The following THEM6 variants were observed in gnomAD, a reference collection of about 807,000 sequenced individuals.
THEM6 encodes thioesterase superfamily member 6.
A neutral mutation model predicts 13.7 loss-of-function variants in THEM6; 10 were observed. That is an observed-to-expected ratio of 0.73 (90% CI 0.45 to 1.24). The LOEUF (loss-of-function observed/expected upper bound fraction) is 1.24. Ranked by LOEUF, THEM6 falls within the 50% of genes most tolerant of loss-of-function variation. The probability of loss-of-function intolerance (pLI) is 0.00; values close to 1 mark genes in which losing one functional copy is unlikely to be tolerated. For synonymous variants in THEM6, 161 were observed against 156.0 expected (o/e 1.03, Z -0.24); for missense variants, 317 against 312.6 (o/e 1.01, Z -0.11).
chr8:142,727,295 A>G lies in THEM6; in HGVS notation c.-52A>G. The G allele has an allele frequency of 7.0e-7, 1 of 1,418,946 alleles. No homozygotes were observed. The highest frequency in any genetic ancestry group is 9.1e-7 in the Non-Finnish European group (1 of 1,094,930). The allele number at this position is 1,418,946 out of a possible 1,614,324, so 87.9% of individuals were successfully genotyped here. A position where few individuals can be genotyped will look rare whatever the true frequency, so the allele number is the denominator to read the frequency against. ...GGGCACCGTAACCAGCGCCGCGGAC[A>G]CCGGCACCGGCGCCACGGACTCCGC... is the stretch of plus-strand genomic sequence containing the variant. On this transcript the variant is annotated 5_prime_UTR_variant, in exon 1 of 2. Coordinates refer to ENST00000336138, the MANE Select transcript of THEM6 (RefSeq NM_016647.3).
At chr8:142,734,347 G>A (rs1470069279) in intron 1 of THEM6, among the ~76,000 whole-genome samples, 4 of 152,258 alleles carry the variant, frequency 2.6e-5, no homozygotes, top group African/African-American at 4.8e-5. Context: ...CACGGAGGCC[G>A]AGGAGATGGG....
intron 1 of THEM6, among the ~76,000 whole-genome samples, chr8:142,731,976 T>C: frequency 6.6e-6 from 1 of 151,416 alleles, no homozygotes; most frequent in East Asian, 2.0e-4. Context: ...TTGCTGTTTT[T>C]GCTTTCTTTT....
At position 142,727,664 on chromosome 8, in the gene THEM6, C is replaced by G. The variant is rs1554642494; in HGVS notation, c.318C>G (p.Arg106=). Residue 106 remains arginine, a synonymous_variant, in exon 1 of 2, where the codon CGC becomes CGG. Transcript: ENST00000336138. The part of the protein sequence containing the change: ...AHTVLAASCA[R]HRRSLRLLEP... Reference sequence around the variant, plus strand: ...CGGTGCTGGCGGCCTCGTGCGCGCGCCACCGCCGCTCGCTGCGCCTGCTGG... The same window carrying G: ...CGGTGCTGGCGGCCTCGTGCGCGCGGCACCGCCGCTCGCTGCGCCTGCTGG... The G allele has an allele frequency of 1.4e-6, 2 of 1,436,792 alleles. No individual in the cohort carries two copies. The highest frequency in any genetic ancestry group is 1.8e-6 in the Non-Finnish European group (2 of 1,106,816). 89.0% of individuals were successfully genotyped at this position (1,436,792 alleles called of 1,614,324 possible).
At chr8:142,729,450 C>T (rs781853840) in intron 1 of THEM6, among the ~76,000 whole-genome samples, 1 of 152,186 alleles carries the variant, frequency 6.6e-6, no homozygotes, top group African/African-American at 2.4e-5. Context: ...TAATCCATTT[C>T]AGCCAGGGAT....
At chr8:142,731,248 A>G (rs1393984945) in intron 1 of THEM6, among the ~76,000 whole-genome samples, 1 of 152,222 alleles carries the variant, frequency 6.6e-6, no homozygotes, top group African/African-American at 2.4e-5. Context: ...ATGTTTACAC[A>G]CAGAATTTCC....
chr8:142,727,892 G>A (rs782402619), intron 1 of THEM6, 33 bp downstream of exon 1: 92 of 1,378,766 alleles, frequency 6.7e-5, no homozygotes, highest in Admixed American at 1.1e-4. Context: ...CCCGGAGCAC[G>A]GCCTTTGTGG....
In THEM6 at chr8:142,735,470, C is replaced by T. The variant is rs587680092; in HGVS notation, c.*31C>T. The T allele has an allele frequency of 3.5e-5, 51 of 1,474,126 alleles. No homozygotes were observed. The South Asian group carries it at 5.4e-4, about 16-fold the overall frequency. The allele number at this position is 1,474,126 out of a possible 1,614,324, so 91.3% of individuals were successfully genotyped here. A position where few individuals can be genotyped will look rare whatever the true frequency, so the allele number is the denominator to read the frequency against. On this transcript the variant is annotated 3_prime_UTR_variant, in exon 2 of 2. Transcript: ENST00000336138. ...ACCTTCACACCGTCTGCCCTGGCCA[C>T]CATCCTGGGCCTGGGGGCTGCCCAC...
At chr8:142,733,459 C>T (rs1661885929) in intron 1 of THEM6, among the ~76,000 whole-genome samples, 1 of 152,188 alleles carries the variant, frequency 6.6e-6, no homozygotes, top group African/African-American at 2.4e-5. Context: ...GAAGAGGAAC[C>T]TCTACTTTAC....
intron 1 of THEM6, among the ~76,000 whole-genome samples, chr8:142,732,336 G>T (rs1201860104): frequency 3.3e-5 from 5 of 150,282 alleles, no homozygotes; most frequent in African/African-American, 9.8e-5. Flanking sequence ...CCCCCCAAAG[G>T]TCCCTTGCAT....
Position 142,727,491 on chromosome 8 carries a change from C to T in THEM6, c.145C>T (p.Arg49Cys). The change falls in exon 1 of 2, where the codon CGC becomes TGC. Residue 49 changes from arginine (R) to cysteine (C), a missense_variant. By Grantham distance (180) the Arg-to-Cys change is radical. Transcript: ENST00000336138. ...PRVRDLLAEQ[R>C]FPGRVLPSDL... is the part of the protein sequence containing the mutation. ...CGTCCGTGACCTGCTAGCTGAGCAG[C>T]GCTTCCCGGGCCGCGTGCTGCCCTC... The T allele has an allele frequency of 6.3e-7, 1 of 1,577,128 alleles. No homozygotes were observed. The highest frequency in any genetic ancestry group is 8.5e-7 in the Non-Finnish European group (1 of 1,169,846).
chr8:142,728,418 C>T (rs911299086), intron 1 of THEM6, among the ~76,000 whole-genome samples: 5 of 152,240 alleles, frequency 3.3e-5, no homozygotes, highest in Non-Finnish European at 5.9e-5. Flanking sequence ...TCCCAGGGCT[C>T]GCTCCTCCCA....
At chr8:142,734,108 A>G (rs1212775309) in intron 1 of THEM6, among the ~76,000 whole-genome samples, 2 of 152,172 alleles carry the variant, frequency 1.3e-5, no homozygotes, top group East Asian at 3.9e-4. Context: ...CCTGTCCCAC[A>G]CCCTCTTCTA....
intron 1 of THEM6, among the ~76,000 whole-genome samples, chr8:142,732,372 G>A (rs1449668989): frequency 6.6e-6 from 1 of 150,408 alleles, no homozygotes; most frequent in African/African-American, 2.4e-5. Context: ...TGTCCTCTCT[G>A]GTCGCCCCCC....
At chr8:142,730,058 T>C (rs1815608386) in intron 1 of THEM6, among the ~76,000 whole-genome samples, 1 of 152,090 alleles carries the variant, frequency 6.6e-6, no homozygotes, top group Admixed American at 6.5e-5. Flanking sequence ...TGGTCTGAGG[T>C]GAGTTAGTTA....
intron 1 of THEM6, among the ~76,000 whole-genome samples, chr8:142,733,502 T>C (rs1815696905): frequency 6.6e-6 from 1 of 152,190 alleles, no homozygotes; most frequent in Admixed American, 6.5e-5. Context: ...AATGCCTCTT[T>C]CTGGGGATGC....
chr8:142,733,347 C>G (rs747200353), intron 1 of THEM6, among the ~76,000 whole-genome samples: 1 of 152,254 alleles, frequency 6.6e-6, no homozygotes, highest in Non-Finnish European at 1.5e-5. Flanking sequence ...TTCTTTATTA[C>G]TGCTAGCAGA....
intron 1 of THEM6, chr8:142,735,009 C>A: frequency 3.1e-6 from 1 of 320,896 alleles, no homozygotes; most frequent in Non-Finnish European, 5.9e-6. Context: ...CATGCTGGCC[C>A]TCCACCCCTC....
intron 1 of THEM6, among the ~76,000 whole-genome samples, chr8:142,728,198 CCT>C (rs1376293056): frequency 4.6e-5 from 7 of 152,198 alleles, no homozygotes; most frequent in Non-Finnish European, 7.3e-5. Context: ...GGAGTGTTGA[CCT>C]CTCTGGTCCT....
intron 1 of THEM6, 167 bp from the exon 2 acceptor site, chr8:142,735,159 A>C: frequency 1.6e-6 from 1 of 613,978 alleles, no homozygotes; most frequent in Non-Finnish European, 3.0e-6. Flanking sequence ...CAAGGTGGGT[A>C]TGCAGGGGTA....
Sources: gnomAD v4.1 joint callset for allele counts (sites outside exome capture counted in the v4.1 genomes callset) on GRCh38, gnomAD v4.1.1 for gene constraint, MANE v1.5 for transcripts, NCBI Gene and HGNC (gene_info 2026-07-23, HGNC 2026-07-21) for gene names.